The following GMDS variants were observed in gnomAD, a reference collection of about 807,000 sequenced individuals.
The protein encoded by GMDS is GDP-mannose 4,6 dehydratase.
A neutral mutation model predicts 49.9 loss-of-function variants in GMDS; 20 were observed. That is an observed-to-expected ratio of 0.40 (90% CI 0.28 to 0.58). GMDS has a LOEUF of 0.58. Ranked by LOEUF, GMDS falls within the 20% of genes least tolerant of loss-of-function variation. GMDS has a pLI of 0.42. For missense variants in GMDS, 362 were observed against 481.4 expected (o/e 0.75, Z 2.32); for synonymous variants, 177 against 178.6 (o/e 0.99, Z 0.07).
rs1427151080 is a variant in GMDS at position 2,117,540 on chromosome 6, C to T, written c.164G>A (p.Arg55Gln). Residue 55 changes from arginine to glutamine, a missense_variant, in exon 3 of 11, where the codon CGG becomes CAG. Transcript: ENST00000380815. ...EKGYEVHGIV[R>Q]RSSSFNTGRI... ...ACCCGTATTAAATGAACTGGACCGC[C>T]GTACAATTCCATGGACCTGAGTTTT... 1.9e-6 allele frequency: 3 copies of T among 1,601,094 alleles called. No homozygotes were observed. Among genetic ancestry groups the T allele is most frequent in the Non-Finnish European group, 2.6e-6 (3 of 1,168,298 alleles).
At chr6:1,753,416 G>C (rs1767813048) in intron 7 of GMDS, among the ~76,000 whole-genome samples, 1 of 152,114 alleles carries the variant, frequency 6.6e-6, no homozygotes. Context: ...CTTACAAAGA[G>C]ACTTAGACTC....
At chr6:2,200,355 TA>T (rs1303449223) in intron 1 of GMDS, among the ~76,000 whole-genome samples, 4 of 150,068 alleles carry the variant, frequency 2.7e-5, no homozygotes, top group African/African-American at 9.9e-5. Context: ...TGAAACAATC[TA>T]GGCAGTGAGG....
chr6:1,754,405 A>G (rs1367726737), intron 7 of GMDS, among the ~76,000 whole-genome samples: 3 of 152,148 alleles, frequency 2.0e-5, no homozygotes, highest in African/African-American at 7.2e-5. Flanking sequence ...ATCAACCAAA[A>G]AAGTCCAGGA....
intron 7 of GMDS, among the ~76,000 whole-genome samples, chr6:1,905,550 G>A (rs1335804900): frequency 7.0e-6 from 1 of 142,964 alleles, no homozygotes; most frequent in Non-Finnish European, 1.5e-5. Flanking sequence ...GACCTCAAAG[G>A]TGCCTGTGCA....
At chr6:1,806,519 T>C (rs892448005) in intron 7 of GMDS, among the ~76,000 whole-genome samples, 2 of 152,040 alleles carry the variant, frequency 1.3e-5, no homozygotes, top group African/African-American at 4.8e-5. Flanking sequence ...CCCGAGTCTG[T>C]AGGCTCTTTT....
chr6:1,969,925 C>T (rs1764503945), intron 4 of GMDS, among the ~76,000 whole-genome samples: 1 of 152,154 alleles, frequency 6.6e-6, no homozygotes, highest in Non-Finnish European at 1.5e-5. Context: ...AGAATACCTG[C>T]CACATGGAGA....
intron 9 of GMDS, among the ~76,000 whole-genome samples, chr6:1,694,144 A>G (rs993142971): frequency 2.0e-5 from 3 of 152,216 alleles, no homozygotes; most frequent in African/African-American, 7.2e-5. Context: ...TTGACAAAGC[A>G]TAATGATGCC....
chr6:1,886,190 A>T (rs983477485), intron 7 of GMDS, among the ~76,000 whole-genome samples: 4 of 152,236 alleles, frequency 2.6e-5, no homozygotes. Flanking sequence ...GCATACTTCC[A>T]TCAAGTTCAA....
chr6:1,751,264 TG>T (rs1767718615), intron 7 of GMDS, among the ~76,000 whole-genome samples: 1 of 152,208 alleles, frequency 6.6e-6, no homozygotes, highest in African/African-American at 2.4e-5. Flanking sequence ...CTGACCCCCG[TG>T]CCTCCTGACC....
intron 7 of GMDS, among the ~76,000 whole-genome samples, chr6:1,905,184 A>G (rs1424915787): frequency 1.3e-5 from 2 of 152,254 alleles, no homozygotes; most frequent in Admixed American, 6.5e-5. Context: ...TGTGAGGTCC[A>G]GGGGAAAGCC....
chr6:1,810,261 G>C (rs546918874), intron 7 of GMDS, among the ~76,000 whole-genome samples: 1 of 152,190 alleles, frequency 6.6e-6, no homozygotes, highest in East Asian at 1.9e-4. Flanking sequence ...CAGGACAAGT[G>C]GGAGGAATAG....
chr6:1,741,811 C>CAAA (rs758949708), intron 8 of GMDS, among the ~76,000 whole-genome samples: 2,074 of 22,876 alleles, frequency 0.091, 300 homozygotes, highest in African/African-American at 0.1. Context: ...GACTCTGTCT[C>CAAA]AAAAAAAAAA....
chr6:2,146,339 G>A (rs1776558116), intron 1 of GMDS, among the ~76,000 whole-genome samples: 2 of 152,144 alleles, frequency 1.3e-5, no homozygotes, highest in Non-Finnish European at 2.9e-5. Context: ...AATAAGGGTA[G>A]TGATATGAAC....
intron 1 of GMDS, among the ~76,000 whole-genome samples, chr6:2,238,284 G>A (rs2127599939): frequency 6.6e-6 from 1 of 151,596 alleles, no homozygotes; most frequent in South Asian, 2.1e-4. Flanking sequence ...CAGGGAGGCT[G>A]AAGCAGGAGG....
chr6:1,783,555 T>C (rs2113616627), intron 7 of GMDS, among the ~76,000 whole-genome samples: 1 of 152,342 alleles, frequency 6.6e-6, no homozygotes, highest in East Asian at 1.9e-4. Flanking sequence ...TTGTTTGCAA[T>C]ATAGAATCTG....
At chr6:2,117,731 CCT>C (rs368950978) in intron 2 of GMDS, among the ~76,000 whole-genome samples, 175 bp from the exon 3 acceptor site, 172 of 152,312 alleles carry the variant, frequency 1.1e-3, no homozygotes, top group African/African-American at 3.5e-3. Context: ...GAACATCCTA[CCT>C]CTGTCTTTCC....
chr6:1,739,476 ACCCTGC>A, intron 8 of GMDS, among the ~76,000 whole-genome samples: 1 of 152,266 alleles, frequency 6.6e-6, no homozygotes, highest in Middle Eastern at 3.4e-3. Flanking sequence ...ATAGGGGAAG[ACCCTGC>A]TCCCCCGCAT....
intron 7 of GMDS, among the ~76,000 whole-genome samples, chr6:1,780,732 T>C (rs1451067534): frequency 6.6e-6 from 1 of 152,198 alleles, no homozygotes; most frequent in Admixed American, 6.5e-5. Flanking sequence ...GCTGCAGGGC[T>C]CGCTCACGCC....
At chr6:2,211,783 T>G (rs1780072990) in intron 1 of GMDS, among the ~76,000 whole-genome samples, 1 of 152,232 alleles carries the variant, frequency 6.6e-6, no homozygotes, top group South Asian at 2.1e-4. Context: ...CCCAGAATTC[T>G]AAATTCCCAT....
Sources: gnomAD v4.1 joint callset for allele counts (sites outside exome capture counted in the v4.1 genomes callset) on GRCh38, gnomAD v4.1.1 for gene constraint, MANE v1.5 for transcripts, NCBI Gene and HGNC (gene_info 2026-07-23, HGNC 2026-07-21) for gene names.